The following AGTPBP1 variants were observed in gnomAD, a reference collection of about 807,000 sequenced individuals.
AGTPBP1 encodes ATP/GTP binding carboxypeptidase 1.
In AGTPBP1, 70 loss-of-function variants were observed where a neutral mutation model predicts 143.9. The observed-to-expected ratio is 0.49, with a 90% CI of 0.40 to 0.59. The LOEUF is 0.59. Ranked by LOEUF, AGTPBP1 falls within the 20% of genes least tolerant of loss-of-function variation. AGTPBP1 has a pLI of 0.00. For missense variants in AGTPBP1, 1,229 were observed against 1,464.5 expected, an observed-to-expected ratio of 0.84 and a Z score of 2.62; for synonymous variants, 463 against 500.2, an observed-to-expected ratio of 0.93 and a Z score of 0.99.
chr9:85,692,628 A>G (rs1347445262), intron 3 of AGTPBP1, 61 bp downstream of exon 3: 5 of 1,565,920 alleles, frequency 3.2e-6, no homozygotes, highest in Non-Finnish European at 3.5e-6. Flanking sequence ...GAACATTTTT[A>G]GCATCCACTT....
At chr9:85,606,454 G>A (rs1260732828) in intron 17 of AGTPBP1, among the ~76,000 whole-genome samples, 2 of 151,116 alleles carry the variant, frequency 1.3e-5, no homozygotes, top group Admixed American at 6.6e-5. Context: ...TACTGTTGGT[G>A]GGAACGTAAA....
chr9:85,803,830 A>G, the AGTPBP1 span, among the ~76,000 whole-genome samples: 2 of 152,190 alleles, frequency 1.3e-5, no homozygotes. Context: ...TCTTCTCTCA[A>G]GAAGTAGCTC....
the AGTPBP1 span, among the ~76,000 whole-genome samples, chr9:85,797,513 T>C: frequency 6.6e-6 from 1 of 152,168 alleles, no homozygotes; most frequent in Non-Finnish European, 1.5e-5. Flanking sequence ...AATCCATCAT[T>C]TCCATTTTAT....
Position 85,579,020 on chromosome 9 carries a change from T to C in AGTPBP1, c.3242A>G (p.Lys1081Arg). 1 of 1,611,966 alleles carries C rather than the reference T, an allele frequency of 6.2e-7. No individual in the cohort carries two copies. The highest frequency in any genetic ancestry group is 8.5e-7 in the Non-Finnish European group (1 of 1,179,298). The change falls in exon 24 of 26, where the codon AAA becomes AGA. Residue 1081 changes from lysine to arginine, a missense_variant. By Grantham distance (26) the Lys-to-Arg change is conservative. Coordinates refer to ENST00000357081, the MANE Select transcript of AGTPBP1 (RefSeq NM_001330701.2). ...SSCSFVVEKS[K>R]ESTARVVVWR... is the part of the protein sequence containing the mutation. ...AACTACAACACGTGCTGTGGATTCT[T>C]TAGATTTTTCCACTACGAAGCTACA...
intron 1 of AGTPBP1, among the ~76,000 whole-genome samples, chr9:85,718,413 T>G (rs1324995491): frequency 6.6e-6 from 1 of 152,254 alleles, no homozygotes; most frequent in East Asian, 1.9e-4. Context: ...ATTTCTCTGA[T>G]GACCAGTGAT....
intron 17 of AGTPBP1, among the ~76,000 whole-genome samples, chr9:85,603,528 C>T (rs540106927): frequency 5.3e-5 from 8 of 152,150 alleles, no homozygotes; most frequent in South Asian, 2.1e-4. Flanking sequence ...GCAGTTCTCA[C>T]TGCAAGCCTT....
At chr9:85,588,561 C>G (rs1828758135) in intron 20 of AGTPBP1, 83 bp from the exon 21 acceptor site, 2 of 1,386,058 alleles carry the variant, frequency 1.4e-6, no homozygotes, top group South Asian at 2.6e-5. Flanking sequence ...AGAAATGTCT[C>G]TAACTCAATT....
At chr9:85,575,798 AT>A (rs1422875399) in intron 24 of AGTPBP1, among the ~76,000 whole-genome samples, 1 of 152,202 alleles carries the variant, frequency 6.6e-6, no homozygotes, top group Non-Finnish European at 1.5e-5. Context: ...GACAAACTGT[AT>A]TTTAACAAGA....
chr9:85,614,930 C>G (rs1830519665), intron 17 of AGTPBP1, among the ~76,000 whole-genome samples: 1 of 152,120 alleles, frequency 6.6e-6, no homozygotes, highest in Admixed American at 6.5e-5. Flanking sequence ...TGACCATTGT[C>G]TGTAACAGCC....
intron 2 of AGTPBP1, 84 bp downstream of exon 2, chr9:85,712,418 A>G: frequency 1.5e-6 from 1 of 649,830 alleles, no homozygotes; most frequent in Non-Finnish European, 2.5e-6. Flanking sequence ...CACAAATAAT[A>G]CTTTGTCAAG....
At chr9:85,724,877 TTTC>T (rs1216311891) in intron 1 of AGTPBP1, among the ~76,000 whole-genome samples, 1 of 152,206 alleles carries the variant, frequency 6.6e-6, no homozygotes, top group African/African-American at 2.4e-5. Context: ...GCTTTTAAGT[TTTC>T]TTTTGAAAAA....
intron 23 of AGTPBP1, among the ~76,000 whole-genome samples, chr9:85,584,899 T>C (rs1287708671): frequency 6.6e-6 from 1 of 152,234 alleles, no homozygotes; most frequent in Non-Finnish European, 1.5e-5. Context: ...CAATGTTACA[T>C]ATTATTATAA....
At chr9:85,623,001 T>C (rs942750336) in intron 14 of AGTPBP1, among the ~76,000 whole-genome samples, 1 of 152,230 alleles carries the variant, frequency 6.6e-6, no homozygotes, top group Non-Finnish European at 1.5e-5. Flanking sequence ...CAAAATGTTA[T>C]GAGAAGCTAG....
At chr9:85,639,761 G>GA (rs2133795420) in intron 13 of AGTPBP1, among the ~76,000 whole-genome samples, 1 of 152,232 alleles carries the variant, frequency 6.6e-6, no homozygotes, top group Admixed American at 6.5e-5. Flanking sequence ...TGAAAATGCA[G>GA]AATTTTGATA....
chr9:85,754,914 T>C, the AGTPBP1 span, among the ~76,000 whole-genome samples: 1 of 151,450 alleles, frequency 6.6e-6, no homozygotes, highest in African/African-American at 2.5e-5. Flanking sequence ...AGAATGTTTG[T>C]AGAATATATT....
intron 23 of AGTPBP1, among the ~76,000 whole-genome samples, chr9:85,579,854 A>G (rs545859654): frequency 6.6e-6 from 1 of 151,030 alleles, no homozygotes; most frequent in African/African-American, 2.4e-5. Flanking sequence ...GTCACTCTTC[A>G]TTAAATTAAA....
At chr9:85,704,077 A>T (rs931912053) in intron 2 of AGTPBP1, among the ~76,000 whole-genome samples, 1 of 152,232 alleles carries the variant, frequency 6.6e-6, no homozygotes, top group African/African-American at 2.4e-5. Flanking sequence ...TTGGGCTTCT[A>T]TAGCCTATCA....
At chr9:85,633,911 G>C (rs998644601) in intron 13 of AGTPBP1, among the ~76,000 whole-genome samples, 1 of 151,218 alleles carries the variant, frequency 6.6e-6, no homozygotes, top group Non-Finnish European at 1.5e-5. Context: ...GGAGGGCAAG[G>C]CCGGGCACAG....
chr9:85,688,285 T>C (rs1489530276), intron 3 of AGTPBP1, among the ~76,000 whole-genome samples: 3 of 152,098 alleles, frequency 2.0e-5, no homozygotes, highest in Non-Finnish European at 4.4e-5. Context: ...TAGGGTCTCT[T>C]AACCTCAGCA....
Sources: gnomAD v4.1 joint callset for allele counts (sites outside exome capture counted in the v4.1 genomes callset) on GRCh38, gnomAD v4.1.1 for gene constraint, MANE v1.5 for transcripts, NCBI Gene and HGNC (gene_info 2026-07-23, HGNC 2026-07-21) for gene names.